The following SEZ6L variants were observed in gnomAD, a reference collection of about 807,000 sequenced individuals.
The protein encoded by SEZ6L is seizure 6-like protein.
SEZ6L carries 37 observed loss-of-function variants against 106.2 expected under a neutral mutation model. The ratio of observed to expected loss-of-function variants is 0.35; its 90% CI spans 0.27 to 0.46. SEZ6L has a LOEUF of 0.46. Ranked by LOEUF, SEZ6L falls within the 20% of genes least tolerant of loss-of-function variation. The pLI, the probability that SEZ6L is intolerant of heterozygous loss-of-function variation, is 1.00. For synonymous variants in SEZ6L, 541 were observed against 570.4 expected (o/e 0.95, Z 0.73); for missense variants, 1,172 against 1,332.8 (o/e 0.88, Z 1.88).
At chr22:26,337,768 T>C (rs1254134541) in intron 9 of SEZ6L, among the ~76,000 whole-genome samples, 1 of 152,184 alleles carries the variant, frequency 6.6e-6, no homozygotes, top group African/African-American at 2.4e-5. Flanking sequence ...GTAGCTTTTA[T>C]TTGAAGATGT....
intron 1 of SEZ6L, among the ~76,000 whole-genome samples, chr22:26,266,647 C>T (rs911180256): frequency 5.9e-5 from 9 of 151,550 alleles, no homozygotes; most frequent in Non-Finnish European, 1.0e-4. Flanking sequence ...AGAATAAAAA[C>T]CAAGGCCCCA....
In SEZ6L at chr22:26,169,568, C is replaced by T. The variant is rs1227714789; in HGVS notation, c.-102C>T. ...TGCCCCGGCCCGCGGCCTCCTCCCT[C>T]GCTCCCGCTTCCCCTTTCTCGCTCA... On this transcript the variant is annotated 5_prime_UTR_variant, in exon 1 of 17. Coordinates refer to ENST00000248933, the MANE Select transcript of SEZ6L (RefSeq NM_021115.5). The T allele has an allele frequency of 4.6e-6, 2 of 433,352 alleles. No individual in the cohort carries two copies. Among genetic ancestry groups the T allele is most frequent in the African/African-American group, 2.1e-5 (1 of 48,460 alleles). 26.8% of individuals were successfully genotyped at this position (433,352 alleles called of 1,614,324 possible).
In SEZ6L at chr22:26,182,667, C is replaced by T. The variant is rs539769173; in HGVS notation, c.94+12904C>T. Among the ~76,000 whole-genome samples, 6 of 152,020 alleles carry T rather than the reference C, an allele frequency of 3.9e-5. No individual in the cohort carries two copies. The South Asian group carries it at 1.3e-3, about 32-fold the overall frequency. ...ACAGAATTTACAATTTTATGATCCC[C>T]ATAGAGAAAACATTCTGTGGGAATT... On this transcript the variant is annotated intron_variant, in intron 1 of 16. Coordinates refer to ENST00000248933, the MANE Select transcript of SEZ6L (RefSeq NM_021115.5).
chr22:26,213,449 C>T (rs950377226), intron 1 of SEZ6L, among the ~76,000 whole-genome samples: 5 of 152,206 alleles, frequency 3.3e-5, no homozygotes, highest in African/African-American at 1.2e-4. Flanking sequence ...GCTGTCATAA[C>T]ACATGCAATC....
chr22:26,342,533 CA>C (rs58902625), intron 10 of SEZ6L, among the ~76,000 whole-genome samples: 20 of 144,638 alleles, frequency 1.4e-4, no homozygotes, highest in South Asian at 2.2e-4. Flanking sequence ...ACTAAAAATA[CA>C]AAAAAAAAAA....
chr22:26,322,970 C>T (rs1476720387), intron 9 of SEZ6L, among the ~76,000 whole-genome samples: 7 of 152,122 alleles, frequency 4.6e-5, no homozygotes, highest in Admixed American at 2.0e-4. Context: ...AAATAAATTA[C>T]GGAAAGGAGA....
At chr22:26,341,352 C>T (rs1210994751) in intron 10 of SEZ6L, among the ~76,000 whole-genome samples, 1 of 152,118 alleles carries the variant, frequency 6.6e-6, no homozygotes, top group African/African-American at 2.4e-5. Flanking sequence ...CAATCACACT[C>T]TTCCCTTCTC....
chr22:26,188,772 C>T (rs971385899), intron 1 of SEZ6L, among the ~76,000 whole-genome samples: 5 of 152,176 alleles, frequency 3.3e-5, no homozygotes, highest in Admixed American at 6.5e-5. Context: ...TAAGTGTTCA[C>T]GCCAAGTGTG....
At chr22:26,363,047 C>G (rs1381948097) in intron 12 of SEZ6L, among the ~76,000 whole-genome samples, 2 of 152,194 alleles carry the variant, frequency 1.3e-5, no homozygotes, top group Admixed American at 1.3e-4. Context: ...TAGGGAGTGG[C>G]AGAGACTGGG....
intron 9 of SEZ6L, among the ~76,000 whole-genome samples, chr22:26,321,748 G>C (rs2082160928): frequency 6.6e-6 from 1 of 152,186 alleles, no homozygotes; most frequent in African/African-American, 2.4e-5. Flanking sequence ...CTAAGTGTTT[G>C]CAATTGTTAT....
intron 5 of SEZ6L, among the ~76,000 whole-genome samples, chr22:26,300,821 T>C (rs2081431274): frequency 6.6e-6 from 1 of 152,226 alleles, no homozygotes; most frequent in Non-Finnish European, 1.5e-5. Flanking sequence ...TGTTTGTCTT[T>C]TTGTTATTGA....
At chr22:26,270,723 G>A (rs1235976257) in intron 1 of SEZ6L, among the ~76,000 whole-genome samples, 1 of 152,140 alleles carries the variant, frequency 6.6e-6, no homozygotes, top group Admixed American at 6.5e-5. Flanking sequence ...CAGTGGAGGA[G>A]GCATTGCCTC....
intron 1 of SEZ6L, among the ~76,000 whole-genome samples, chr22:26,234,550 T>C (rs1245705864): frequency 6.6e-6 from 1 of 152,212 alleles, no homozygotes. Context: ...AATGACAAAG[T>C]ACTGACAGCC....
chr22:26,285,193 A>G (rs1290191405), intron 1 of SEZ6L, among the ~76,000 whole-genome samples: 1 of 152,200 alleles, frequency 6.6e-6, no homozygotes, highest in Non-Finnish European at 1.5e-5. Flanking sequence ...AGTGGACCAC[A>G]GGGGGCCGGC....
chr22:26,250,572 G>A (rs1264299565), intron 1 of SEZ6L, among the ~76,000 whole-genome samples: 2 of 152,166 alleles, frequency 1.3e-5, no homozygotes, highest in East Asian at 3.9e-4. Flanking sequence ...TAGCTTTGCA[G>A]TATATTTTGA....
In SEZ6L at chr22:26,382,160, C is replaced by T. The variant is rs2084429182; in HGVS notation, c.*1865C>T. On this transcript the variant is annotated 3_prime_UTR_variant, in exon 17 of 17. Coordinates refer to ENST00000248933, the MANE Select transcript of SEZ6L (RefSeq NM_021115.5). ...CAAGAAATAGCTAAAGGCTGCTTTCCAGGACCCAAAGCCCCATTTAATGCA... is the reference window on the plus strand; with the variant it reads ...CAAGAAATAGCTAAAGGCTGCTTTCTAGGACCCAAAGCCCCATTTAATGCA... 2.3e-6 allele frequency: 1 copy of T among 436,060 alleles called. No homozygotes were observed. The highest frequency in any genetic ancestry group is 2.0e-5 in the African/African-American group (1 of 49,376). 27.0% of individuals were successfully genotyped at this position (436,060 alleles called of 1,614,324 possible).
intron 1 of SEZ6L, among the ~76,000 whole-genome samples, chr22:26,251,722 C>T (rs1188499210): frequency 6.6e-6 from 1 of 152,326 alleles, no homozygotes; most frequent in South Asian, 2.1e-4. Flanking sequence ...GGAAACTGCT[C>T]AGTGGTATTT....
In SEZ6L at chr22:26,315,665, A is replaced by G. The variant is rs767169380; in HGVS notation, c.2015+1763A>G. 2.6e-5 allele frequency among the ~76,000 whole-genome samples: 4 copies of G among 151,874 alleles called. No homozygotes were observed. In the South Asian group the frequency reaches 8.3e-4, roughly 32 times the overall value. On this transcript the variant is annotated intron_variant, in intron 9 of 16. Transcript: ENST00000248933. ...TGTTCTCGCCTCTCTCTGGACCTCA[A>G]TTTTTCTCTCCTGTAATGGGGGTCT...
chr22:26,262,995 C>A (rs1230631058), intron 1 of SEZ6L, among the ~76,000 whole-genome samples: 1 of 152,290 alleles, frequency 6.6e-6, no homozygotes, highest in East Asian at 1.9e-4. Context: ...TATTGACTAC[C>A]ATTCAGTCTC....
Sources: allele counts gnomAD v4.1 joint callset (sites outside exome capture counted in the v4.1 genomes callset), GRCh38; gene constraint gnomAD v4.1.1; transcripts MANE v1.5; gene names NCBI Gene and HGNC (gene_info 2026-07-23, HGNC 2026-07-21).